Variants in ABCC9 observed in about 807,000 individuals in gnomAD.
ABCC9 encodes the protein ATP binding cassette subfamily C member 9, also known as ATP-binding cassette sub-family C member 9.
ABCC9 carries 95 observed loss-of-function variants against 188.3 expected under a neutral mutation model. That is an observed-to-expected ratio of 0.50 (90% CI 0.43 to 0.60). ABCC9 has a LOEUF of 0.60. Ranked by LOEUF, ABCC9 falls within the 20% of genes least tolerant of loss-of-function variation. The probability of loss-of-function intolerance (pLI) is 0.00; values close to 1 mark genes in which losing one functional copy is unlikely to be tolerated. For synonymous variants in ABCC9, 659 were observed against 652.7 expected (o/e 1.01, Z -0.15); for missense variants, 1,102 against 1,876.3 (o/e 0.59, Z 7.62).
chr12:21,832,885 A>C (rs1240896579), intron 30 of ABCC9, among the ~76,000 whole-genome samples: 1 of 152,208 alleles, frequency 6.6e-6, no homozygotes, highest in African/African-American at 2.4e-5. Flanking sequence ...ATGCCCATTA[A>C]CCAGTGAGTG....
intron 37 of ABCC9, 68 bp from the exon 38 acceptor site, chr12:21,807,547 A>C (rs529702068): frequency 3.7e-6 from 6 of 1,601,554 alleles, no homozygotes; most frequent in East Asian, 4.5e-5. Context: ...GGACAAAATC[A>C]TGAAAAACAC....
At chr12:21,823,218 A>G (rs565244193) in intron 31 of ABCC9, among the ~76,000 whole-genome samples, 1 of 152,184 alleles carries the variant, frequency 6.6e-6, no homozygotes, top group Non-Finnish European at 1.5e-5. Flanking sequence ...TGAATTCAAT[A>G]CTCCCCACCA....
intron 19 of ABCC9, 82 bp downstream of exon 19, chr12:21,864,357 G>T: frequency 9.4e-7 from 1 of 1,066,676 alleles, no homozygotes; most frequent in Non-Finnish European, 1.5e-6. Flanking sequence ...CATTATCAGA[G>T]TAAGCAAAAT....
At chr12:21,810,229 C>A (rs561956419) in intron 36 of ABCC9, among the ~76,000 whole-genome samples, 1 of 152,132 alleles carries the variant, frequency 6.6e-6, no homozygotes, top group Non-Finnish European at 1.5e-5. Context: ...TACCTAGCTC[C>A]ATTGGCTCCA....
intron 30 of ABCC9, among the ~76,000 whole-genome samples, chr12:21,829,409 G>T (rs1019766853): frequency 6.6e-6 from 1 of 151,938 alleles, no homozygotes; most frequent in Admixed American, 6.6e-5. Flanking sequence ...CACCGTGTTA[G>T]CCAGGATGGT....
intron 18 of ABCC9, among the ~76,000 whole-genome samples, chr12:21,868,303 T>C (rs1206356087): frequency 6.6e-6 from 1 of 152,152 alleles, no homozygotes; most frequent in African/African-American, 2.4e-5. Context: ...TCAGAGTACT[T>C]TACTCGATTT....
Position 21,806,042 on chromosome 12 carries a change from C to CT in ABCC9, c.4467dup (p.Val1490SerfsTer39), listed in dbSNP as rs1318924378. ...CGGTCTGCAAAGGCTGTCATTACTACTTTTTGCAAAATATTCTCCTGCAAA... is the reference window on the plus strand; with the variant it reads ...CGGTCTGCAAAGGCTGTCATTACTACTTTTTTGCAAAATATTCTCCTGCAAA... On this transcript the variant is annotated frameshift_variant, in exon 39 of 40. Coordinates refer to ENST00000261200, the MANE Select transcript of ABCC9 (RefSeq NM_020297.4). LOFTEE classifies it high-confidence loss of function. 6.2e-7 allele frequency: 1 copy of CT among 1,613,304 alleles called. No individual in the cohort carries two copies.
intron 5 of ABCC9, chr12:21,925,435 T>G (rs1286871463): frequency 1.4e-6 from 1 of 694,910 alleles, no homozygotes; most frequent in Admixed American, 2.0e-5. Flanking sequence ...CTTTTCATTA[T>G]GCTAGAAACA....
chr12:21,939,972 A>T (rs987218990), intron 2 of ABCC9, among the ~76,000 whole-genome samples: 1 of 152,220 alleles, frequency 6.6e-6, no homozygotes, highest in African/African-American at 2.4e-5. Flanking sequence ...GGTGAATATA[A>T]TACCTGACCT....
At chr12:21,882,216 C>T (rs1946660459) in intron 16 of ABCC9, among the ~76,000 whole-genome samples, 1 of 152,058 alleles carries the variant, frequency 6.6e-6, no homozygotes, top group Admixed American at 6.6e-5. Flanking sequence ...GCCGGCAGCT[C>T]TTCCAATTCC....
At chr12:21,932,786 T>A (rs960890623) in intron 4 of ABCC9, among the ~76,000 whole-genome samples, 1 of 152,030 alleles carries the variant, frequency 6.6e-6, no homozygotes, top group Non-Finnish European at 1.5e-5. Context: ...CACCATTTGT[T>A]GGAGTGTAAA....
Position 21,908,131 on chromosome 12 carries a change from C to T in ABCC9, c.1401G>A (p.Ala467=), listed in dbSNP as rs142219855. 8 of 1,612,508 alleles carry T rather than the reference C, an allele frequency of 5.0e-6. No individual in the cohort carries two copies. The highest frequency in any genetic ancestry group is 3.3e-5 in the Admixed American group (2 of 59,788). ...LVGAAVIVLL[A]PIQYFIATKL... is the part of the protein sequence containing the mutation. ...TTGTAGCAATAAAGTACTGAATTGG[C>T]GCAAGGAGCACAATGACAGCTGCAC... Residue 467 remains alanine, a synonymous_variant, in exon 11 of 40, where the codon GCG becomes GCA. Transcript: ENST00000261200.
intron 31 of ABCC9, among the ~76,000 whole-genome samples, chr12:21,825,186 C>G (rs1430764032): frequency 6.6e-6 from 1 of 152,194 alleles, no homozygotes; most frequent in Non-Finnish European, 1.5e-5. Flanking sequence ...CGCTTTTACA[C>G]TGTTAGTGGG....
chr12:21,861,818 T>C (rs1399005476), intron 20 of ABCC9, among the ~76,000 whole-genome samples: 2 of 152,048 alleles, frequency 1.3e-5, no homozygotes, highest in African/African-American at 4.8e-5. Context: ...AGGAGGTTCA[T>C]TATGGCTAAA....
rs571977493 is a variant in ABCC9 at position 21,925,906 on chromosome 12, T to C, written c.406+36A>G. 7 of 1,592,466 alleles carry C rather than the reference T, an allele frequency of 4.4e-6. No homozygotes were observed. The African/African-American group carries it at 9.4e-5, about 21-fold the overall frequency. On this transcript the variant is annotated intron_variant, in intron 5 of 39. Coordinates refer to ENST00000261200, the MANE Select transcript of ABCC9 (RefSeq NM_020297.4). Reference sequence around the variant, plus strand: ...CCCTTTGGGGGGAAAAACAAATATCTCTTTAAGGAGAAACAACAAAAGTGA... The same window carrying C: ...CCCTTTGGGGGGAAAAACAAATATCCCTTTAAGGAGAAACAACAAAAGTGA...
intron 7 of ABCC9, among the ~76,000 whole-genome samples, 154 bp downstream of exon 7, chr12:21,915,514 A>ATATATATATATATATT: frequency 2.8e-4 from 1 of 3,520 alleles, no homozygotes; most frequent in Non-Finnish European, 4.7e-4. Flanking sequence ...ATATATATAT[A>ATATATATATATATATT]TTTTTTTTTT....
chr12:21,924,010 C>A, intron 5 of ABCC9: 1 of 520,900 alleles, frequency 1.9e-6, no homozygotes, highest in Non-Finnish European at 3.4e-6. Context: ...ACTTAAAAGT[C>A]TATACTGTGT....
chr12:21,872,498 T>C, intron 18 of ABCC9, 127 bp downstream of exon 18: 2 of 735,020 alleles, frequency 2.7e-6, no homozygotes, highest in East Asian at 2.5e-5. Flanking sequence ...ATTTTTTTTT[T>C]AAAGCTGTGC....
At position 21,894,749 on chromosome 12, in the gene ABCC9, T is replaced by C. The variant is rs370263008; in HGVS notation, c.1659+526A>G. ...CCTCAGCCTCCCAGTTAGCCGGGAC[T>C]ACAGGCATGCGCCATCATGCTCAGC... On this transcript the variant is annotated intron_variant, in intron 13 of 39. Transcript: ENST00000261200. 9.8e-5 allele frequency among the ~76,000 whole-genome samples: 15 copies of C among 152,294 alleles called. No homozygotes were observed. The South Asian group carries it at 2.5e-3, about 25-fold the overall frequency.
Sources: allele counts gnomAD v4.1 joint callset (sites outside exome capture counted in the v4.1 genomes callset), GRCh38; gene constraint gnomAD v4.1.1; transcripts MANE v1.5; gene names NCBI Gene and HGNC (gene_info 2026-07-23, HGNC 2026-07-21).